Variants in CAD observed in about 807,000 individuals in gnomAD.
CAD encodes the protein carbamoyl-phosphate synthetase 2, aspartate transcarbamylase, and dihydroorotase.
A neutral mutation model predicts 237.2 loss-of-function variants in CAD; 81 were observed. That is an observed-to-expected ratio of 0.34 (90% confidence interval 0.29 to 0.41). CAD has a LOEUF of 0.41. Ranked by LOEUF, CAD falls within the 10% of genes least tolerant of loss-of-function variation. The pLI is 1.00. For missense variants in CAD, 2,181 were observed against 2,951.7 expected, an observed-to-expected ratio of 0.74 and a Z score of 6.05; for synonymous variants, 1,196 against 1,162.8, an observed-to-expected ratio of 1.03 and a Z score of -0.58.
chr2:27,235,305 A>G lies in CAD; in HGVS notation c.3847A>G (p.Thr1283Ala), dbSNP rs745643074. ...GADVVLGVEMTSTGEVAGFGE... is the reference protein window; with the variant it reads ...GADVVLGVEMASTGEVAGFGE... The stretch of plus-strand genomic sequence containing the variant: ...TGACGTGGTGTTGGGTGTGGAAATG[A>G]CCAGTACTGGGGAGGTGGCCGGCTT... Residue 1283 changes from threonine (T) to alanine (A), a missense_variant, in exon 24 of 44, where the codon ACC (threonine) becomes GCC (alanine). Around this residue, in one of 12 missense-constraint regions of CAD, gnomAD observed 306 missense variants for 607.9 expected, o/e 0.50. Transcript: ENST00000264705. The surrounding 1 kb of genome is among the most constrained non-coding windows in gnomAD (Gnocchi z 5.2). 1.2e-6 allele frequency: 2 copies of G among 1,613,750 alleles called. No homozygotes were observed. Among genetic ancestry groups the G allele is most frequent in the South Asian group, 2.2e-5 (2 of 91,058 alleles).
At chr2:27,243,390 C>CTTTTTT (rs5830040) in intron 43 of CAD, 26 bp from the exon 44 acceptor site, 29 of 1,378,788 alleles carry the variant, frequency 2.1e-5, no homozygotes, top group Admixed American at 4.3e-5. Flanking sequence ...ATAACACTTC[C>CTTTTTT]TTTTTTTTTT....
chr2:27,235,888 CAA>C lies in CAD; in HGVS notation c.4074+250_4074+251del, dbSNP rs1675979095. The C allele has an allele frequency of 2.2e-6, 1 of 462,266 alleles. No homozygotes were observed. Among genetic ancestry groups the C allele is most frequent in the African/African-American group, 2.1e-5 (1 of 47,230 alleles). 28.6% of individuals were successfully genotyped at this position (462,266 alleles called of 1,614,324 possible). On this transcript the variant is annotated intron_variant, in intron 25 of 43. Transcript: ENST00000264705. The surrounding 1 kb of genome is among the most constrained non-coding windows in gnomAD (Gnocchi z 5.2). Reference sequence around the variant, plus strand: ...GATGCTGTCTCAAAAAAAAAAAAAACAAAGAATTATCTCCTATTCCCCTGCTT... The same window carrying C: ...GATGCTGTCTCAAAAAAAAAAAAAACAGAATTATCTCCTATTCCCCTGCTT...
intron 12 of CAD, 30 bp downstream of exon 12, chr2:27,225,956 T>A: frequency 6.3e-7 from 1 of 1,599,906 alleles, no homozygotes; most frequent in Non-Finnish European, 8.6e-7. Context: ...GTGGGCGTCG[T>A]GTCAGGCAGG....
In CAD at chr2:27,222,775, G is replaced by A. The variant is rs1558528179; in HGVS notation, c.638-91G>A. Reference sequence around the variant, plus strand: ...TTGCAGTGAAGAAGATAGACATTGGGACTTAACACTCTCATGGGCTGGGGG... The same window carrying A: ...TTGCAGTGAAGAAGATAGACATTGGAACTTAACACTCTCATGGGCTGGGGG... On this transcript the variant is annotated intron_variant, in intron 5 of 43. Transcript: ENST00000264705. 14 of 1,572,842 alleles carry A rather than the reference G, an allele frequency of 8.9e-6. No homozygotes were observed. In the East Asian group the frequency reaches 2.9e-4, roughly 33 times the overall value.
At chr2:27,222,442 T>TA in intron 4 of CAD, 77 bp from the exon 5 acceptor site, 1 of 1,572,070 alleles carries the variant, frequency 6.4e-7, no homozygotes, top group Non-Finnish European at 8.7e-7. Flanking sequence ...GCTTTGAAGG[T>TA]AGGAGTTGGT....
chr2:27,233,351 G>A lies in CAD; in HGVS notation c.3031G>A (p.Val1011Met). 2 of 1,614,256 alleles carry A rather than the reference G, an allele frequency of 1.2e-6. No homozygotes were observed. The highest frequency in any genetic ancestry group is 1.7e-6 in the Non-Finnish European group (2 of 1,180,044). The change falls in exon 20 of 44, where the codon GTG becomes ATG. Residue 1011 changes from valine to methionine, a missense_variant. Val to Met is a conservative substitution (Grantham distance 21). Transcript: ENST00000264705. The surrounding 1 kb of genome is among the most constrained non-coding windows in gnomAD (Gnocchi z 6.3). ...CTATGAGCTCGAGAACCCTGAAGGT[G>A]TGATCCTATCCATGGGTGGACAGCT... is the stretch of plus-strand genomic sequence containing the variant. ...DIYELENPEG[V>M]ILSMGGQLPN...
Position 27,239,279 on chromosome 2 carries a change from G to A in CAD, c.5253+47G>A. 1 of 1,603,488 alleles carries A rather than the reference G, an allele frequency of 6.2e-7. No homozygotes were observed. On this transcript the variant is annotated intron_variant, in intron 32 of 43. Transcript: ENST00000264705. This position sits in a 1 kb window ranked among gnomAD's most constrained non-coding sequence, Gnocchi z 4.0. The stretch of plus-strand genomic sequence containing the variant: ...CAGGAGGGGGGCTCTCCAGCCCTAG[G>A]ATATGTTCTCTGGGGATCCTTTCCC...
chr2:27,222,245 T>C lies in CAD; in HGVS notation c.404T>C (p.Leu135Pro), dbSNP rs1226931543. The C allele has an allele frequency of 6.2e-7, 1 of 1,613,958 alleles. No individual in the cohort carries two copies. Among genetic ancestry groups the C allele is most frequent in the African/African-American group, 1.3e-5 (1 of 74,882 alleles). Residue 135 changes from leucine to proline, a missense_variant, in exon 4 of 44, where the codon CTG becomes CCG. Leu to Pro is a moderately conservative substitution (Grantham distance 98). Transcript: ENST00000264705. ...AAGTTGCGGGAACAGGGGTCTCTGC[T>C]GGGGAAGCTGGTCCAGAATGGAACA... ...TKKLREQGSL[L>P]GKLVQNGTEP...
intron 2 of CAD, among the ~76,000 whole-genome samples, chr2:27,220,786 G>A (rs1340616264): frequency 5.9e-5 from 9 of 151,942 alleles, no homozygotes; most frequent in East Asian, 1.9e-4. Context: ...GTGAAACCCC[G>A]TCTCTACTAA....
At position 27,239,267 on chromosome 2, in the gene CAD, C is replaced by T. The variant is rs1045873740; in HGVS notation, c.5253+35C>T. Reference sequence around the variant, plus strand: ...TGAGGCCCAGAGCAGGAGGGGGGCTCTCCAGCCCTAGGATATGTTCTCTGG... The same window carrying T: ...TGAGGCCCAGAGCAGGAGGGGGGCTTTCCAGCCCTAGGATATGTTCTCTGG... On this transcript the variant is annotated intron_variant, in intron 32 of 43. Coordinates refer to ENST00000264705, the MANE Select transcript of CAD (RefSeq NM_004341.5). This position sits in a 1 kb window ranked among gnomAD's most constrained non-coding sequence, Gnocchi z 4.0. 1.9e-6 allele frequency: 3 copies of T among 1,601,258 alleles called. No individual in the cohort carries two copies. Among genetic ancestry groups the T allele is most frequent in the Non-Finnish European group, 1.7e-6 (2 of 1,169,984 alleles).
In CAD at chr2:27,237,939, C is replaced by G; in HGVS notation, c.4728+57C>G. 6.3e-7 allele frequency: 1 copy of G among 1,575,176 alleles called. No individual in the cohort carries two copies. ...ACCCAGTGTCTCCTGGCTTGTGGGC[C>G]CCTGCCTAAGTGGGCTGGTAGCAGT... is the stretch of plus-strand genomic sequence containing the variant. On this transcript the variant is annotated intron_variant, in intron 29 of 43. Transcript: ENST00000264705. This position sits in a 1 kb window ranked among gnomAD's most constrained non-coding sequence, Gnocchi z 4.0.
At position 27,232,786 on chromosome 2, in the gene CAD, C is replaced by T; in HGVS notation, c.2892+92C>T. ...TAATCCTGGCATTTCCTATTAATTG[C>T]CGTCCCTTACTTTGGTCATAGAGCT... On this transcript the variant is annotated intron_variant, in intron 18 of 43. Coordinates refer to ENST00000264705, the MANE Select transcript of CAD (RefSeq NM_004341.5). The surrounding 1 kb of genome is among the most constrained non-coding windows in gnomAD (Gnocchi z 4.1). 2 of 1,513,216 alleles carry T rather than the reference C, an allele frequency of 1.3e-6. No homozygotes were observed. Among genetic ancestry groups the T allele is most frequent in the Non-Finnish European group, 1.8e-6 (2 of 1,098,722 alleles). 93.7% of individuals were successfully genotyped at this position (1,513,216 alleles called of 1,614,324 possible).
At position 27,242,196 on chromosome 2, in the gene CAD, G is replaced by A. The variant is rs114065165; in HGVS notation, c.6096+73G>A. On this transcript the variant is annotated intron_variant, in intron 39 of 43. Transcript: ENST00000264705. The surrounding 1 kb of genome is among the most constrained non-coding windows in gnomAD (Gnocchi z 6.4). ...GGGGCATGAGAACCCTTCTGCCCAC[G>A]TTTTCTGTGTTTTGGGCCAGATGAG... 7.0e-3 allele frequency: 11,152 copies of A among 1,586,842 alleles called. 57 individuals carry two copies. The highest frequency in any genetic ancestry group is 8.9e-3 in the Non-Finnish European group (10,344 of 1,163,232).
At position 27,218,010 on chromosome 2, in the gene CAD, C is replaced by T; in HGVS notation, c.216C>T (p.Leu72=). ...CAGATGAAATGGATGAGTTCGGTCTCTGCAAGGTAGCCACACCCAGTGCTT... is the reference window on the plus strand; with the variant it reads ...CAGATGAAATGGATGAGTTCGGTCTTTGCAAGGTAGCCACACCCAGTGCTT... ...IPPDEMDEFG[L]CKWFESSGIH... is the part of the protein sequence containing the mutation. Residue 72 remains leucine (L), a synonymous_variant, in exon 2 of 44, where the codon CTC becomes CTT. Coordinates refer to ENST00000264705, the MANE Select transcript of CAD (RefSeq NM_004341.5). 5.6e-6 allele frequency: 9 copies of T among 1,600,500 alleles called. No homozygotes were observed. In the South Asian group the frequency reaches 6.7e-5, roughly 12 times the overall value.
intron 22 of CAD, 106 bp downstream of exon 22, chr2:27,234,332 G>A (rs1675901739): frequency 8.0e-7 from 1 of 1,249,684 alleles, no homozygotes; most frequent in Non-Finnish European, 1.2e-6. Context: ...ATCCAAGTAG[G>A]CAGGGAAGCT....
At position 27,236,325 on chromosome 2, in the gene CAD, T is replaced by C; in HGVS notation, c.4116T>C (p.Gly1372=). The C allele has an allele frequency of 6.2e-7, 1 of 1,614,096 alleles. No homozygotes were observed. The highest frequency in any genetic ancestry group is 1.7e-4 in the Middle Eastern group (1 of 6,028). Residue 1372 remains glycine (G), a synonymous_variant, in exon 26 of 44, where the codon GGT becomes GGC. Coordinates refer to ENST00000264705, the MANE Select transcript of CAD (RefSeq NM_004341.5). The surrounding 1 kb of genome is among the most constrained non-coding windows in gnomAD (Gnocchi z 4.1). Reference sequence around the variant, plus strand: ...GGCACTTTGAGGAGGCTGTGGATGGTGAGTGCCCACCACAGCGGAGCATCC... The same window carrying C: ...GGCACTTTGAGGAGGCTGTGGATGGCGAGTGCCCACCACAGCGGAGCATCC... ...VDWHFEEAVD[G]ECPPQRSILE...
chr2:27,222,964 C>G lies in CAD; in HGVS notation c.736C>G (p.Arg246Gly), dbSNP rs772034961. The G allele has an allele frequency of 6.2e-7, 1 of 1,614,034 alleles. No homozygotes were observed. Among genetic ancestry groups the G allele is most frequent in the African/African-American group, 1.3e-5 (1 of 74,892 alleles). The change falls in exon 6 of 44, where the codon CGA (arginine) becomes GGA (glycine). Residue 246 changes from arginine to glycine, a missense_variant. Around this residue, in one of 12 missense-constraint regions of CAD, gnomAD observed 314 missense variants for 339.4 expected, o/e 0.93. Transcript: ENST00000264705. The stretch of plus-strand genomic sequence containing the variant: ...CCGTGTTTTATCTGAGCCTAATCCC[C>G]GACCTGTCTTTGGGATCTGCCTGGG... The part of the protein sequence containing the change: ...LSRVLSEPNP[R>G]PVFGICLGHQ...
chr2:27,228,290 C>G lies in CAD; in HGVS notation c.2287+1328C>G, dbSNP rs181502886. ...AATGAGACTCTGTTTATGCCCACTT[C>G]TTAGAAGGTTGCTTAAACTTTGTAT... On this transcript the variant is annotated intron_variant, in intron 15 of 43. Coordinates refer to ENST00000264705, the MANE Select transcript of CAD (RefSeq NM_004341.5). Among the ~76,000 whole-genome samples, 342 of 152,320 alleles carry G rather than the reference C, an allele frequency of 2.2e-3. 7 individuals carry two copies. The highest frequency in any genetic ancestry group is 0.017 in the Admixed American group (263 of 15,300).
intron 15 of CAD, among the ~76,000 whole-genome samples, chr2:27,230,855 C>A (rs1675715119): frequency 6.6e-6 from 1 of 152,342 alleles, no homozygotes; most frequent in East Asian, 1.9e-4. Context: ...TGATAAACTT[C>A]CAGTATCCAG....
Sources: allele counts gnomAD v4.1 joint callset (sites outside exome capture counted in the v4.1 genomes callset), GRCh38; gene constraint gnomAD v4.1.1; regional missense constraint gnomAD v4.1.1; non-coding constraint Gnocchi (gnomAD v3.1); transcripts MANE v1.5; gene names NCBI Gene and HGNC (gene_info 2026-07-23, HGNC 2026-07-21).